Variants in IL18RAP observed in about 807,000 individuals in gnomAD.
IL18RAP encodes the protein interleukin-18 receptor accessory protein.
Under a neutral mutation model 58.1 loss-of-function variants are expected in IL18RAP, and 37 were observed. That is an observed-to-expected ratio of 0.64 (90% CI 0.49 to 0.84). IL18RAP has a LOEUF of 0.84. IL18RAP is among the 40% of genes least tolerant of loss of function. IL18RAP has a pLI of 0.00. For missense variants in IL18RAP, 667 were observed against 704.8 expected (o/e 0.95, Z 0.61); for synonymous variants, 268 against 257.5 (o/e 1.04, Z -0.39).
At chr2:102,448,668 C>T (rs960280327) in intron 8 of IL18RAP, among the ~76,000 whole-genome samples, 7 of 152,032 alleles carry the variant, frequency 4.6e-5, no homozygotes, top group East Asian at 1.9e-4. Context: ...GAATAAAGAC[C>T]GGCATGGGAG....
chr2:102,421,358 G>A (rs1319428797), upstream of IL18RAP, among the ~76,000 whole-genome samples: 4 of 152,200 alleles, frequency 2.6e-5, no homozygotes, highest in Non-Finnish European at 5.9e-5. Context: ...AGAGCCAAAC[G>A]CTACAGCATT....
At position 102,423,949 on chromosome 2, in the gene IL18RAP, A is replaced by G. The variant is rs1489499167; in HGVS notation, c.209A>G (p.His70Arg). 1.2e-6 allele frequency: 2 copies of G among 1,614,092 alleles called. No homozygotes were observed. Among genetic ancestry groups the G allele is most frequent in the Non-Finnish European group, 1.7e-6 (2 of 1,180,010 alleles). The change falls in exon 2 of 10, where the codon CAC (histidine) becomes CGC (arginine). Residue 70 changes from histidine to arginine, a missense_variant. Coordinates refer to ENST00000687160, the MANE Select transcript of IL18RAP (RefSeq NM_001393487.1). ...NRLSPKQVPE[H>R]LPFMGSNDLS... The stretch of plus-strand genomic sequence containing the variant: ...CTCTCACCAAAACAAGTCCCTGAGC[A>G]CCTGCCCTTCATGGGTAGTAACGAC...
At chr2:102,428,466 A>G (rs1281473025) in intron 3 of IL18RAP, among the ~76,000 whole-genome samples, 6 of 149,930 alleles carry the variant, frequency 4.0e-5, no homozygotes, top group Middle Eastern at 3.4e-3. Flanking sequence ...GTTAGTTCCT[A>G]TGGTAAGTGG....
At chr2:102,424,187 C>G (rs35028302) in intron 2 of IL18RAP, 44 bp from the exon 3 acceptor site, 44 of 1,608,860 alleles carry the variant, frequency 2.7e-5, no homozygotes, top group Non-Finnish European at 3.2e-5. Flanking sequence ...CCTCTATTAT[C>G]TAGACAAAAT....
chr2:102,447,729 T>TG (rs57081737), intron 8 of IL18RAP, among the ~76,000 whole-genome samples: 171 of 150,800 alleles, frequency 1.1e-3, no homozygotes, highest in African/African-American at 3.6e-3. Flanking sequence ...TATGTATGTA[T>TG]TTATTTATTT....
upstream of IL18RAP, among the ~76,000 whole-genome samples, chr2:102,420,999 G>C (rs117470366): frequency 4.0e-4 from 61 of 152,314 alleles, 1 homozygote; most frequent in East Asian, 0.011. Context: ...CTCTTCAGGA[G>C]CTCCCAATCT....
chr2:102,431,850 A>G (rs1558637981), intron 3 of IL18RAP, among the ~76,000 whole-genome samples: 1 of 151,718 alleles, frequency 6.6e-6, no homozygotes, highest in Non-Finnish European at 1.5e-5. Context: ...TTTTATTTTT[A>G]TACATATTTT....
chr2:102,421,616 T>A (rs1444554225), upstream of IL18RAP, among the ~76,000 whole-genome samples: 1 of 152,170 alleles, frequency 6.6e-6, no homozygotes, highest in Non-Finnish European at 1.5e-5. Flanking sequence ...AGCTGTCAGT[T>A]GTCAGCAATG....
At chr2:102,432,811 G>A (rs1224956489) in intron 3 of IL18RAP, among the ~76,000 whole-genome samples, 12 of 152,132 alleles carry the variant, frequency 7.9e-5, no homozygotes, top group Admixed American at 7.9e-4. Flanking sequence ...TTTAATGACT[G>A]AAAAAGTCAG....
At chr2:102,441,831 T>C (rs1355178109) in intron 5 of IL18RAP, among the ~76,000 whole-genome samples, 2 of 151,676 alleles carry the variant, frequency 1.3e-5, no homozygotes, top group African/African-American at 2.4e-5. Context: ...GAGGTTACAG[T>C]GAGCCGAGAT....
chr2:102,451,727 A>G (rs750923703), intron 9 of IL18RAP, 39 bp from the exon 10 acceptor site: 9 of 1,552,632 alleles, frequency 5.8e-6, no homozygotes, highest in Non-Finnish European at 7.9e-6. Context: ...TCAAGGTTTA[A>G]CAATATCCAT....
At chr2:102,422,354 GC>G (rs964428228), upstream of IL18RAP, among the ~76,000 whole-genome samples, 1 of 152,030 alleles carries the variant, frequency 6.6e-6, no homozygotes, top group African/African-American at 2.4e-5. Flanking sequence ...ATTAGCCCTG[GC>G]CTACTTTTAA....
At chr2:102,446,795 CAAAAA>C (rs749884501) in intron 7 of IL18RAP, among the ~76,000 whole-genome samples, 1 of 119,746 alleles carries the variant, frequency 8.4e-6, no homozygotes. Flanking sequence ...ACTCCGTCTC[CAAAAA>C]AAAAAAAAAA....
intron 7 of IL18RAP, among the ~76,000 whole-genome samples, chr2:102,446,859 C>G (rs1032092112): frequency 1.3e-5 from 2 of 151,860 alleles, no homozygotes; most frequent in Admixed American, 6.6e-5. Context: ...GCTGCACATG[C>G]CATTATTTTG....
At chr2:102,423,134 T>C, upstream of IL18RAP, 1 of 826,888 alleles carries the variant, frequency 1.2e-6, no homozygotes, top group Non-Finnish European at 2.0e-6. Context: ...ATGCACTTTG[T>C]TCACTGGTTC....
chr2:102,425,274 T>C (rs1226855597), intron 3 of IL18RAP, among the ~76,000 whole-genome samples: 6 of 152,200 alleles, frequency 3.9e-5, no homozygotes, highest in Admixed American at 3.9e-4. Context: ...TTGCTACTGA[T>C]TAAAATCAGA....
At chr2:102,449,838 G>A (rs1019972825) in intron 8 of IL18RAP, among the ~76,000 whole-genome samples, 7 of 152,308 alleles carry the variant, frequency 4.6e-5, no homozygotes, top group Admixed American at 2.0e-4. Context: ...CTACCTGCCA[G>A]CCATGCCCCA....
chr2:102,447,698 T>G (rs1683512272), intron 8 of IL18RAP, among the ~76,000 whole-genome samples: 1 of 146,160 alleles, frequency 6.8e-6, no homozygotes, highest in Non-Finnish European at 1.5e-5. Flanking sequence ...CATTTAGTAT[T>G]CATTCATTTA....
intron 3 of IL18RAP, 71 bp downstream of exon 3, chr2:102,424,485 G>A (rs887972): frequency 0.3 from 412,633 of 1,370,710 alleles, 65,393 homozygotes; most frequent in Admixed American, 0.47. Context: ...GGCTTTTCAT[G>A]GAAAAGCGTG....
Sources: gnomAD v4.1 joint callset for allele counts (sites outside exome capture counted in the v4.1 genomes callset) on GRCh38, gnomAD v4.1.1 for gene constraint, MANE v1.5 for transcripts, NCBI Gene and HGNC (gene_info 2026-07-23, HGNC 2026-07-21) for gene names.